The following COBL variants were observed in gnomAD, a reference collection of about 807,000 sequenced individuals.
The protein encoded by COBL is cordon-bleu WH2 repeat protein.
A neutral mutation model predicts 98.8 loss-of-function variants in COBL; 51 were observed. The ratio of observed to expected loss-of-function variants is 0.52; its 90% CI spans 0.41 to 0.65. The LOEUF is 0.65. Among genes scored for constraint, COBL ranks in the 30% least tolerant of loss-of-function variants. The pLI is 0.00. For synonymous variants in COBL, 634 were observed against 651.7 expected, an observed-to-expected ratio of 0.97 and a Z score of 0.41; for missense variants, 1,617 against 1,617.5, an observed-to-expected ratio of 1.00 and a Z score of 0.01.
intron 6 of COBL, among the ~76,000 whole-genome samples, chr7:51,132,503 C>T (rs1798838144): frequency 6.6e-6 from 1 of 152,312 alleles, no homozygotes; most frequent in East Asian, 1.9e-4. Context: ...TCTGTGTTGA[C>T]AGCCCCTACT....
chr7:51,111,328 C>A (rs1796804842), intron 6 of COBL, among the ~76,000 whole-genome samples: 1 of 152,160 alleles, frequency 6.6e-6, no homozygotes, highest in East Asian at 1.9e-4. Context: ...TCCTTGCCAG[C>A]ATTTGCTTTT....
chr7:51,313,591 T>C (rs759943853), intron 1 of COBL, among the ~76,000 whole-genome samples: 1 of 152,214 alleles, frequency 6.6e-6, no homozygotes, highest in Non-Finnish European at 1.5e-5. Context: ...TGACATTTCA[T>C]GTCATTGGAG....
At chr7:51,021,482 C>T (rs1399681671) in intron 12 of COBL, among the ~76,000 whole-genome samples, 1 of 152,090 alleles carries the variant, frequency 6.6e-6, no homozygotes, top group East Asian at 1.9e-4. Flanking sequence ...AGGCCCGTGC[C>T]ACCACACCTG....
chr7:51,088,412 T>C (rs1371302597), intron 6 of COBL, among the ~76,000 whole-genome samples: 1 of 147,722 alleles, frequency 6.8e-6, no homozygotes. Context: ...TTTTTTTTTG[T>C]TTTTTGTTTT....
intron 7 of COBL, among the ~76,000 whole-genome samples, chr7:51,055,360 A>G (rs1196797804): frequency 6.6e-6 from 1 of 152,166 alleles, no homozygotes; most frequent in Non-Finnish European, 1.5e-5. Context: ...CTCATCCACA[A>G]GGCCGAATTC....
chr7:51,297,268 T>C (rs552152025), intron 1 of COBL, among the ~76,000 whole-genome samples: 20 of 152,298 alleles, frequency 1.3e-4, no homozygotes, highest in Non-Finnish European at 7.4e-5. Flanking sequence ...ATAGGCATTA[T>C]TAGGAATCAC....
rs1775719747 is a variant in COBL at position 51,288,900 on chromosome 7, G to T, written c.41+27693C>A. 2.0e-5 allele frequency among the ~76,000 whole-genome samples: 3 copies of T among 152,166 alleles called. No homozygotes were observed. The South Asian group carries it at 6.2e-4, about 32-fold the overall frequency. On this transcript the variant is annotated intron_variant, in intron 1 of 12. Transcript: ENST00000265136. ...TGTATGCAACTAATTTACTCAACCT[G>T]TCCTTGTTAAAATATGAACAAGAAC... is the stretch of plus-strand genomic sequence containing the variant.
rs142616775 is a variant in COBL at position 51,294,734 on chromosome 7, C to T, written c.41+21859G>A. Among the ~76,000 whole-genome samples the T allele has an allele frequency of 5.8e-3, 872 of 151,486 alleles. 3 individuals are homozygous for T. The highest frequency in any genetic ancestry group is 0.02 in the African/African-American group (841 of 41,290). On this transcript the variant is annotated intron_variant, in intron 1 of 12. Coordinates refer to ENST00000265136, the MANE Select transcript of COBL (RefSeq NM_015198.5). The stretch of plus-strand genomic sequence containing the variant: ...TTGATATTGCTAGCCTCTAACCAAA[C>T]CATGTCATCCTTGGGGTCCAGCAAT...
At chr7:51,268,401 C>T (rs1016630938) in intron 1 of COBL, among the ~76,000 whole-genome samples, 2 of 152,178 alleles carry the variant, frequency 1.3e-5, no homozygotes, top group African/African-American at 2.4e-5. Context: ...AACAGCCTCA[C>T]CATCCACCCA....
chr7:51,099,320 C>T (rs749660490), intron 6 of COBL, among the ~76,000 whole-genome samples: 49 of 152,158 alleles, frequency 3.2e-4, no homozygotes, highest in Non-Finnish European at 2.5e-4. Context: ...TTGTTCACTG[C>T]AGCACAGTTC....
intron 5 of COBL, among the ~76,000 whole-genome samples, chr7:51,137,300 G>T (rs1050361882): frequency 6.6e-6 from 1 of 152,182 alleles, no homozygotes; most frequent in African/African-American, 2.4e-5. Context: ...TCAGGAGTAA[G>T]ATACAAACCT....
intron 1 of COBL, among the ~76,000 whole-genome samples, chr7:51,291,209 A>G (rs1800862016): frequency 6.6e-6 from 1 of 152,160 alleles, no homozygotes; most frequent in Admixed American, 6.5e-5. Flanking sequence ...GCACACAGAC[A>G]CACAAGGGGT....
chr7:51,186,752 A>AG (rs1246321211), intron 4 of COBL, among the ~76,000 whole-genome samples: 1 of 152,250 alleles, frequency 6.6e-6, no homozygotes, highest in East Asian at 1.9e-4. Flanking sequence ...CTTTGGTCTC[A>AG]GTCACTGACT....
At chr7:51,032,833 T>C (rs115842862) in intron 8 of COBL, 129 of 152,316 alleles carry the variant, frequency 8.5e-4, no homozygotes, top group African/African-American at 3.0e-3. Flanking sequence ...TAATAAAATA[T>C]ATGGCAGAGA....
chr7:51,028,594 G>C lies in COBL; in HGVS notation c.2502C>G (p.Asn834Lys), dbSNP rs760891581. The change falls in exon 10 of 13, where the codon AAC becomes AAG. Residue 834 changes from asparagine to lysine, a missense_variant. Coordinates refer to ENST00000265136, the MANE Select transcript of COBL (RefSeq NM_015198.5). Reference protein sequence around the residue: ...EGRNPLGEGRNQPPTMGMGHV... With the variant: ...EGRNPLGEGRKQPPTMGMGHV... ...GACCCATGCCCATGGTGGGGGGCTG[G>C]TTTCTCCCCTCCCCTAGGGGGTTCC... 1.9e-6 allele frequency: 3 copies of C among 1,614,074 alleles called. No homozygotes were observed. The highest frequency in any genetic ancestry group is 1.1e-5 in the South Asian group (1 of 91,084).
chr7:51,278,695 C>G (rs1337126792), intron 1 of COBL, among the ~76,000 whole-genome samples: 1 of 152,126 alleles, frequency 6.6e-6, no homozygotes, highest in Non-Finnish European at 1.5e-5. Flanking sequence ...AGGTTCTTGA[C>G]TCAAGCCTCC....
intron 8 of COBL, among the ~76,000 whole-genome samples, chr7:51,037,571 C>G (rs1482041094): frequency 6.6e-6 from 1 of 152,200 alleles, no homozygotes; most frequent in Non-Finnish European, 1.5e-5. Context: ...CACACAGGAC[C>G]TTCCCTGAGG....
rs561310298 is a variant in COBL at position 51,271,897 on chromosome 7, C to CGTGTGCCTGT, written c.41+44686_41+44695dup. 7.9e-5 allele frequency among the ~76,000 whole-genome samples: 12 copies of CGTGTGCCTGT among 152,186 alleles called. No individual in the cohort carries two copies. The South Asian group carries it at 2.5e-3, about 32-fold the overall frequency. ...AATACAAAAATTATGGGCATGGTGGCGTGTGCCTGTAATCCCAGCTACTCG... is the reference window on the plus strand; with the variant it reads ...AATACAAAAATTATGGGCATGGTGGCGTGTGCCTGTGTGTGCCTGTAATCCCAGCTACTCG... On this transcript the variant is annotated intron_variant, in intron 1 of 12. Transcript: ENST00000265136.
intron 8 of COBL, 86 bp downstream of exon 8, chr7:51,043,297 G>T: frequency 1.5e-6 from 2 of 1,332,570 alleles, no homozygotes; most frequent in Non-Finnish European, 2.1e-6. Context: ...GTGATAGCAC[G>T]TGTTGGATCC....
Sources: allele counts gnomAD v4.1 joint callset (sites outside exome capture counted in the v4.1 genomes callset), GRCh38; gene constraint gnomAD v4.1.1; transcripts MANE v1.5; gene names NCBI Gene and HGNC (gene_info 2026-07-23, HGNC 2026-07-21).